The following CNIH3 variants were observed in gnomAD, a reference collection of about 807,000 sequenced individuals.
CNIH3 encodes the protein protein cornichon homolog 3.
Under a neutral mutation model 24.1 loss-of-function variants are expected in CNIH3, and 14 were observed. That is an observed-to-expected ratio of 0.58 (90% confidence interval 0.38 to 0.91). CNIH3 has a LOEUF of 0.91. Among genes scored for constraint, CNIH3 ranks in the 40% least tolerant of loss-of-function variants. The pLI is 0.00. For missense variants in CNIH3, 178 were observed against 196.8 expected (o/e 0.90, Z 0.57); for synonymous variants, 68 against 73.8 (o/e 0.92, Z 0.40).
chr1:224,639,307 C>T (rs1684243462), intron 1 of CNIH3, among the ~76,000 whole-genome samples: 1 of 152,206 alleles, frequency 6.6e-6, no homozygotes, highest in Admixed American at 6.5e-5. Flanking sequence ...TCCTCATGTC[C>T]CCCTCGTACT....
At position 224,703,318 on chromosome 1, in the gene CNIH3, T is replaced by C. The variant is rs1170251899; in HGVS notation, c.198+18475T>C. Among the ~76,000 whole-genome samples, 2 of 151,982 alleles carry C rather than the reference T, an allele frequency of 1.3e-5. No homozygotes were observed. Among genetic ancestry groups the C allele is most frequent in the African/African-American group, 4.8e-5 (2 of 41,366 alleles). On this transcript the variant is annotated intron_variant, in intron 3 of 5. Coordinates refer to ENST00000272133, the MANE Select transcript of CNIH3 (RefSeq NM_152495.2). This position sits in a 1 kb window ranked among gnomAD's most constrained non-coding sequence, Gnocchi z 4.2. ...ACGATGGGCAGCTTGAATGTGTTAATGAACATGAAGCCTGCTTAGCAGAGG... is the reference window on the plus strand; with the variant it reads ...ACGATGGGCAGCTTGAATGTGTTAACGAACATGAAGCCTGCTTAGCAGAGG...
intron 3 of CNIH3, among the ~76,000 whole-genome samples, chr1:224,688,398 C>G (rs1175857178): frequency 6.6e-6 from 1 of 152,098 alleles, no homozygotes; most frequent in Non-Finnish European, 1.5e-5. Flanking sequence ...CACTAGAATG[C>G]CAGTTCTGGA....
intron 3 of CNIH3, among the ~76,000 whole-genome samples, chr1:224,697,209 G>A (rs903579398): frequency 2.6e-5 from 4 of 152,224 alleles, no homozygotes; most frequent in South Asian, 2.1e-4. Flanking sequence ...CCCAGTGGGG[G>A]AGCATTGTAG....
chr1:224,562,929 A>C (rs1050408317), intron 3 of CNIH3, among the ~76,000 whole-genome samples: 2 of 152,222 alleles, frequency 1.3e-5, no homozygotes, highest in African/African-American at 4.8e-5. Flanking sequence ...AGTGAGGAGC[A>C]ATAGAAGTTC....
At chr1:224,519,135 C>T (rs1033278098) in intron 1 of CNIH3, among the ~76,000 whole-genome samples, 8 of 152,144 alleles carry the variant, frequency 5.3e-5, no homozygotes, top group Non-Finnish European at 8.8e-5. Context: ...TTATCGTATT[C>T]GTCTGTTCTA....
In CNIH3 at chr1:224,643,188, C is replaced by T. The variant is rs533579297; in HGVS notation, c.81+25933C>T. On this transcript the variant is annotated intron_variant, in intron 1 of 5. Transcript: ENST00000272133. The stretch of plus-strand genomic sequence containing the variant: ...TATTTCACAACTATCAAATACCTGC[C>T]GAGGATCCTGGGCCCTGGGAATAGG... Among the ~76,000 whole-genome samples, 11 of 152,274 alleles carry T rather than the reference C, an allele frequency of 7.2e-5. No individual in the cohort carries two copies. The South Asian group carries it at 2.1e-3, about 29-fold the overall frequency.
chr1:224,619,313 C>T (rs996321705), intron 1 of CNIH3, among the ~76,000 whole-genome samples: 4 of 152,230 alleles, frequency 2.6e-5, no homozygotes, highest in Non-Finnish European at 5.9e-5. Flanking sequence ...CTGGCTCTAT[C>T]CTCCAGCTTC....
intron 3 of CNIH3, among the ~76,000 whole-genome samples, chr1:224,693,591 G>T (rs115507638): frequency 6.6e-6 from 1 of 152,296 alleles, no homozygotes; most frequent in African/African-American, 2.4e-5. Context: ...ACCACCTGAG[G>T]CTTGTTCTCC....
chr1:224,542,153 C>G (rs1679534789), downstream of CNIH3, among the ~76,000 whole-genome samples: 1 of 152,210 alleles, frequency 6.6e-6, no homozygotes, highest in African/African-American at 2.4e-5. Flanking sequence ...TTTGAAAATG[C>G]CACAACCATT....
intron 1 of CNIH3, among the ~76,000 whole-genome samples, chr1:224,671,784 A>G (rs1685879801): frequency 6.6e-6 from 1 of 152,230 alleles, no homozygotes; most frequent in East Asian, 1.9e-4. Context: ...TTTCTAGACC[A>G]CTTGGTGATG....
At chr1:224,544,555 G>T (rs1432969434) in intron 2 of CNIH3, among the ~76,000 whole-genome samples, 2 of 152,160 alleles carry the variant, frequency 1.3e-5, no homozygotes, top group Non-Finnish European at 2.9e-5. Context: ...GTCTTGGAAT[G>T]GTGGGAGAAC....
intron 1 of CNIH3, among the ~76,000 whole-genome samples, chr1:224,460,986 T>C (rs1220302061): frequency 6.6e-6 from 1 of 151,504 alleles, no homozygotes; most frequent in Non-Finnish European, 1.5e-5. Context: ...CATTGTATAT[T>C]TTATTTAAAT....
intron 2 of CNIH3, among the ~76,000 whole-genome samples, chr1:224,525,076 T>C: frequency 6.6e-6 from 1 of 152,202 alleles, no homozygotes; most frequent in East Asian, 1.9e-4. Flanking sequence ...GAGACCAAGT[T>C]TGATGTTCTA....
At chr1:224,488,340 T>C (rs1037113050) in intron 1 of CNIH3, among the ~76,000 whole-genome samples, 4 of 152,126 alleles carry the variant, frequency 2.6e-5, no homozygotes, top group Admixed American at 6.5e-5. Context: ...CAATTTTTTT[T>C]CCCATCTTTT....
downstream of CNIH3, among the ~76,000 whole-genome samples, chr1:224,590,438 C>G (rs985889078): frequency 5.3e-5 from 8 of 152,114 alleles, no homozygotes; most frequent in African/African-American, 1.9e-4. Context: ...TTTGTTTGTG[C>G]TGCTATATCA....
rs1191220811 is a variant in CNIH3, at chr1:224,684,888, G to A, written c.198+45G>A. 6.3e-7 allele frequency: 1 copy of A among 1,580,394 alleles called. No individual in the cohort carries two copies. ...GCCGAGGATGGAGGATCGCATGGTG[G>A]TGGGTGGGCACACAGTGAAAGAGGC... On this transcript the variant is annotated intron_variant, in intron 3 of 5. Coordinates refer to ENST00000272133, the MANE Select transcript of CNIH3 (RefSeq NM_152495.2). This position sits in a 1 kb window ranked among gnomAD's most constrained non-coding sequence, Gnocchi z 4.2.
intron 1 of CNIH3, among the ~76,000 whole-genome samples, chr1:224,437,974 G>A (rs1324454568): frequency 3.3e-5 from 5 of 150,336 alleles, no homozygotes; most frequent in Non-Finnish European, 5.9e-5. Context: ...GTGCAGTGGC[G>A]CGATCTTGGC....
chr1:224,536,061 A>G (rs770044481), intron 2 of CNIH3, among the ~76,000 whole-genome samples: 1 of 152,176 alleles, frequency 6.6e-6, no homozygotes, highest in Non-Finnish European at 1.5e-5. Flanking sequence ...GGTGCAAAGA[A>G]GAGTGGACAA....
chr1:224,639,424 A>G (rs1464646315), intron 1 of CNIH3, among the ~76,000 whole-genome samples: 1 of 152,224 alleles, frequency 6.6e-6, no homozygotes, highest in Non-Finnish European at 1.5e-5. Context: ...AAAATAATGG[A>G]AAGTCTTGAG....
Sources: gnomAD v4.1 joint callset for allele counts (sites outside exome capture counted in the v4.1 genomes callset) on GRCh38, gnomAD v4.1.1 for gene constraint, Gnocchi (gnomAD v3.1) non-coding constraint, MANE v1.5 for transcripts, NCBI Gene and HGNC (gene_info 2026-07-23, HGNC 2026-07-21) for gene names.